CTRB1: variants seen among roughly 807,000 people sequenced by gnomAD.
CTRB1 encodes the protein chymotrypsinogen B1.
CTRB1 carries 15 observed loss-of-function variants against 20.4 expected under a neutral mutation model. That is an observed-to-expected ratio of 0.74 (90% CI 0.49 to 1.13). CTRB1 has a LOEUF of 1.13. CTRB1 is among the 50% of genes most tolerant of loss of function. The pLI, the probability that CTRB1 is intolerant of heterozygous loss-of-function variation, is 0.00. For synonymous variants in CTRB1, 92 were observed against 128.4 expected, an observed-to-expected ratio of 0.72 and a Z score of 1.92; for missense variants, 227 against 290.1, an observed-to-expected ratio of 0.78 and a Z score of 1.58.
Position 75,224,815 on chromosome 16 carries a change from C to T in CTRB1, c.741C>T (p.Ala247=), listed in dbSNP as rs2076725291. The part of the protein sequence containing the change: ...TCSTSSPGVY[A]RVTKLIPWVQ... ...CCACCTCCAGCCCTGGCGTGTACGC[C>T]CGTGTCACCAAGCTCATACCTTGGG... Residue 247 remains alanine, a synonymous_variant, in exon 7 of 7, where the codon GCC becomes GCT. Coordinates refer to ENST00000361017, the MANE Select transcript of CTRB1 (RefSeq NM_001906.6). 1 of 1,614,010 alleles carries T rather than the reference C, an allele frequency of 6.2e-7. No individual in the cohort carries two copies. The highest frequency in any genetic ancestry group is 1.6e-4 in the Middle Eastern group (1 of 6,062).
chr16:75,220,594 T>C (rs902405423), intron 1 of CTRB1, among the ~76,000 whole-genome samples: 4 of 152,174 alleles, frequency 2.6e-5, no homozygotes. Flanking sequence ...TGTGCCTGGC[T>C]GATGTAACTA....
At chr16:75,219,109 C>T (rs1191798969) in intron 1 of CTRB1, 50 bp downstream of exon 1, 2 of 1,543,596 alleles carry the variant, frequency 1.3e-6, no homozygotes, top group African/African-American at 1.4e-5. Context: ...CTGAGCCTGG[C>T]TGAGAGGGGG....
chr16:75,219,268 G>A (rs994719413), intron 1 of CTRB1, among the ~76,000 whole-genome samples: 3 of 152,204 alleles, frequency 2.0e-5, no homozygotes, highest in Admixed American at 6.5e-5. Context: ...CATGGTCTGA[G>A]GCTCCAGAAG....
intron 1 of CTRB1, among the ~76,000 whole-genome samples, chr16:75,221,444 C>G (rs191584223): frequency 1.4e-3 from 208 of 152,270 alleles, no homozygotes; most frequent in African/African-American, 4.9e-3. Context: ...ACTGCAACCT[C>G]TGTCCCCCAG....
intron 1 of CTRB1, chr16:75,222,551 G>T: frequency 1.7e-6 from 1 of 593,916 alleles, no homozygotes; most frequent in East Asian, 2.8e-5. Context: ...GAGACATGAC[G>T]CTCTGCATCC....
intron 1 of CTRB1, among the ~76,000 whole-genome samples, chr16:75,222,293 G>A (rs2039098290): frequency 6.6e-6 from 1 of 152,134 alleles, no homozygotes; most frequent in Admixed American, 6.5e-5. Context: ...GATTCCTGGT[G>A]GACTTGGGGT....
chr16:75,221,866 T>C (rs1026140014), intron 1 of CTRB1, among the ~76,000 whole-genome samples: 1 of 150,974 alleles, frequency 6.6e-6, no homozygotes, highest in Non-Finnish European at 1.5e-5. Context: ...ATCGAGACCA[T>C]CCTGGCTAAC....
At chr16:75,219,516 C>T (rs1303797696) in intron 1 of CTRB1, among the ~76,000 whole-genome samples, 2 of 151,934 alleles carry the variant, frequency 1.3e-5, no homozygotes, top group Admixed American at 6.6e-5. Flanking sequence ...CTCAGCTTCC[C>T]GAGCAGCTGG....
chr16:75,222,726 G>A, intron 1 of CTRB1, 42 bp from the exon 2 acceptor site: 2 of 1,533,380 alleles, frequency 1.3e-6, no homozygotes, highest in Non-Finnish European at 1.8e-6. Flanking sequence ...AGGCCCAGGT[G>A]GGTTTGGGGC....
chr16:75,220,337 C>A (rs970270948), intron 1 of CTRB1, among the ~76,000 whole-genome samples: 1 of 152,150 alleles, frequency 6.6e-6, no homozygotes, highest in African/African-American at 2.4e-5. Context: ...GCATGCATCA[C>A]CACACCTGGC....
intron 1 of CTRB1, among the ~76,000 whole-genome samples, chr16:75,220,499 T>C (rs949109027): frequency 9.2e-5 from 14 of 152,214 alleles, no homozygotes; most frequent in African/African-American, 3.4e-4. Context: ...TCTTATTATG[T>C]TGTCCAGGCT....
intron 1 of CTRB1, among the ~76,000 whole-genome samples, 158 bp downstream of exon 1, chr16:75,219,217 C>T (rs1295438321): frequency 6.6e-6 from 1 of 152,128 alleles, no homozygotes; most frequent in African/African-American, 2.4e-5. Context: ...TGAGCCCACA[C>T]AACCTGCTCC....
intron 1 of CTRB1, among the ~76,000 whole-genome samples, chr16:75,221,287 T>C (rs2039079954): frequency 6.6e-6 from 1 of 152,228 alleles, no homozygotes; most frequent in East Asian, 1.9e-4. Context: ...GTGGAACACC[T>C]GACTATTTTC....
At position 75,222,874 on chromosome 16, in the gene CTRB1, G is replaced by A. The variant is rs2076704983; in HGVS notation, c.156+3G>A. ...GGCCCTGGCAGGTGTCCCTGCAGGT[G>A]AGGGGGTTCTGCAAGGTGGGGGGCA... On this transcript the variant is annotated splice_donor_region_variant and intron_variant, in intron 2 of 6. Transcript: ENST00000361017. 1.3e-6 allele frequency: 2 copies of A among 1,505,468 alleles called. No homozygotes were observed. The highest frequency in any genetic ancestry group is 1.8e-6 in the Non-Finnish European group (2 of 1,117,172). The allele number at this position is 1,505,468 out of a possible 1,614,324, so 93.3% of individuals were successfully genotyped here. A position where few individuals can be genotyped will look rare whatever the true frequency, so the allele number is the denominator to read the frequency against.
chr16:75,219,586 G>A (rs145258774), intron 1 of CTRB1, among the ~76,000 whole-genome samples: 2 of 152,064 alleles, frequency 1.3e-5, no homozygotes, highest in Non-Finnish European at 2.9e-5. Context: ...CTTTCACCAC[G>A]TTGGCCAGGC....
chr16:75,224,852 C>T lies in CTRB1; in HGVS notation c.778C>T (p.Leu260=). 6.2e-7 allele frequency: 1 copy of T among 1,613,918 alleles called. No individual in the cohort carries two copies. The highest frequency in any genetic ancestry group is 8.5e-7 in the Non-Finnish European group (1 of 1,180,022). ...GCTCATACCTTGGGTGCAGAAGATC[C>T]TGGCTGCCAACTGAGCCCGCGGCTC... is the stretch of plus-strand genomic sequence containing the variant. ...TKLIPWVQKI[L]AAN is the part of the protein sequence containing the mutation. Residue 260 remains leucine (L), a synonymous_variant, in exon 7 of 7, where the codon CTG becomes TTG. Coordinates refer to ENST00000361017, the MANE Select transcript of CTRB1 (RefSeq NM_001906.6).
chr16:75,224,577 C>CTG (rs2076719314), intron 6 of CTRB1, 128 bp from the exon 7 acceptor site: 5 of 1,140,368 alleles, frequency 4.4e-6, no homozygotes, highest in Middle Eastern at 3.0e-4. Flanking sequence ...ATAACCCACG[C>CTG]AACAGCACAT....
At chr16:75,219,610 C>A (rs1211518740) in intron 1 of CTRB1, among the ~76,000 whole-genome samples, 1 of 152,174 alleles carries the variant, frequency 6.6e-6, no homozygotes, top group Non-Finnish European at 1.5e-5. Context: ...TCTTGAACTC[C>A]TGACCTCAGG....
intron 6 of CTRB1, 145 bp downstream of exon 6, chr16:75,224,333 T>A: frequency 2.1e-6 from 3 of 1,453,928 alleles, no homozygotes; most frequent in Non-Finnish European, 1.9e-6. Flanking sequence ...ATGGCCAATG[T>A]CAGAGCCAAT....
Sources: allele counts gnomAD v4.1 joint callset (sites outside exome capture counted in the v4.1 genomes callset), GRCh38; gene constraint gnomAD v4.1.1; transcripts MANE v1.5; gene names NCBI Gene and HGNC (gene_info 2026-07-23, HGNC 2026-07-21).